Variants in TASP1 observed in about 807,000 individuals in gnomAD.
The protein encoded by TASP1 is taspase 1.
A neutral mutation model predicts 56.6 loss-of-function variants in TASP1; 16 were observed. The ratio of observed to expected loss-of-function variants is 0.28; its 90% CI spans 0.19 to 0.43. The LOEUF is 0.43. Ranked by LOEUF, TASP1 falls within the 20% of genes least tolerant of loss-of-function variation. The pLI is 1.00. For missense variants in TASP1, 393 were observed against 511.6 expected, an observed-to-expected ratio of 0.77 and a Z score of 2.24; for synonymous variants, 179 against 184.2, an observed-to-expected ratio of 0.97 and a Z score of 0.23.
the TASP1 span, among the ~76,000 whole-genome samples, chr20:13,213,945 A>C: frequency 2.0e-5 from 3 of 152,180 alleles, no homozygotes; most frequent in Non-Finnish European, 4.4e-5. Context: ...GGCACAAAAG[A>C]CCAAAAGAAA....
chr20:13,614,819 A>T, intron 4 of TASP1: 1 of 470,320 alleles, frequency 2.1e-6, no homozygotes, highest in Non-Finnish European at 4.4e-6. Context: ...ATTCTTTATG[A>T]TGTCCAGGAA....
At chr20:13,578,331 G>T (rs184406882) in intron 6 of TASP1, among the ~76,000 whole-genome samples, 63 of 151,436 alleles carry the variant, frequency 4.2e-4, no homozygotes, top group African/African-American at 1.5e-3. Flanking sequence ...TTTAAAATTT[G>T]GGTTGTCTTT....
chr20:13,615,438 G>C (rs1028430872), intron 4 of TASP1, among the ~76,000 whole-genome samples: 3 of 151,690 alleles, frequency 2.0e-5, no homozygotes, highest in African/African-American at 7.3e-5. Context: ...CTAACACTTA[G>C]GTAATGAACA....
At chr20:13,588,361 G>A (rs1459678363) in intron 4 of TASP1, among the ~76,000 whole-genome samples, 2 of 151,370 alleles carry the variant, frequency 1.3e-5, no homozygotes, top group African/African-American at 2.4e-5. Flanking sequence ...AGGTAGGTAG[G>A]TCTAGATTGG....
chr20:13,417,391 A>C, intron 13 of TASP1, 57 bp downstream of exon 13: 12 of 1,586,332 alleles, frequency 7.6e-6, no homozygotes, highest in Non-Finnish European at 9.5e-6. Flanking sequence ...TTAGCTGGTT[A>C]GAGGTTTATG....
chr20:13,134,098 G>A, the TASP1 span, among the ~76,000 whole-genome samples: 1 of 152,200 alleles, frequency 6.6e-6, no homozygotes, highest in Non-Finnish European at 1.5e-5. Flanking sequence ...TCACGGTCAG[G>A]TGTACGTACC....
chr20:13,155,319 A>G, the TASP1 span, among the ~76,000 whole-genome samples: 1 of 152,154 alleles, frequency 6.6e-6, no homozygotes, highest in Admixed American at 6.5e-5. Flanking sequence ...CTCCCCTCCA[A>G]TGTAACCCAT....
At chr20:13,153,860 G>A in the TASP1 span, 1 of 1,096,418 alleles carries the variant, frequency 9.1e-7, no homozygotes, top group Admixed American at 2.2e-5. Flanking sequence ...TGCTCCCCAG[G>A]AGATATCTCC....
intron 12 of TASP1, among the ~76,000 whole-genome samples, chr20:13,427,366 G>T (rs1419567873): frequency 6.6e-6 from 1 of 152,172 alleles, no homozygotes; most frequent in African/African-American, 2.4e-5. Context: ...TGAAAAGAGG[G>T]AGGAAAATAC....
rs59880909 is a variant in TASP1, at chr20:13,631,935, C to T, written c.-74-1783G>A. ...AGGCATGGTGGTGGGTGCCTGTAAT[C>T]CCAGCTACTTGGGAGGCTGAGGCAG... On this transcript the variant is annotated intron_variant, in intron 1 of 13. Coordinates refer to ENST00000337743, the MANE Select transcript of TASP1 (RefSeq NM_017714.3). Among the ~76,000 whole-genome samples, 3 of 151,460 alleles carry T rather than the reference C, an allele frequency of 2.0e-5. No homozygotes were observed. The South Asian group carries it at 6.3e-4, about 32-fold the overall frequency.
At chr20:13,580,857 C>T (rs577923955) in intron 6 of TASP1, 40 bp downstream of exon 6, 12 of 1,600,284 alleles carry the variant, frequency 7.5e-6, no homozygotes, top group Non-Finnish European at 1.0e-5. Flanking sequence ...GATAAAAATG[C>T]ACTAAAGACA....
the TASP1 span, among the ~76,000 whole-genome samples, chr20:13,194,543 A>ATGTGTGTGTG: frequency 6.3e-5 from 9 of 142,294 alleles, no homozygotes; most frequent in African/African-American, 2.1e-4. Context: ...TCACCAAGAA[A>ATGTGTGTGTG]TGTGTGTGTG....
chr20:13,110,132 C>T, the TASP1 span: 18 of 1,612,844 alleles, frequency 1.1e-5, no homozygotes, highest in African/African-American at 2.0e-4. Flanking sequence ...CCTAGAGAAG[C>T]TCCTGAGAGA....
At chr20:13,420,061 T>C (rs2042383577) in intron 12 of TASP1, among the ~76,000 whole-genome samples, 1 of 152,190 alleles carries the variant, frequency 6.6e-6, no homozygotes, top group Non-Finnish European at 1.5e-5. Context: ...AAAGCATTTC[T>C]AAAATTGCAC....
intron 10 of TASP1, among the ~76,000 whole-genome samples, chr20:13,518,510 C>T (rs757007031): frequency 6.6e-6 from 1 of 152,062 alleles, no homozygotes; most frequent in Non-Finnish European, 1.5e-5. Context: ...CCCCAAACAC[C>T]TCAGACTCAA....
rs1350266616 is a variant in TASP1, at chr20:13,534,396, G to A, written c.676-255C>T. Among the ~76,000 whole-genome samples, 4 of 150,826 alleles carry A rather than the reference G, an allele frequency of 2.7e-5. No individual in the cohort carries two copies. The East Asian group carries it at 5.9e-4, about 22-fold the overall frequency. ...TTTTCTCTAATAATAAGGCTATAGT[G>A]TCTTTTTAATGGAGGAAATGTCACA... On this transcript the variant is annotated intron_variant, in intron 8 of 13. Coordinates refer to ENST00000337743, the MANE Select transcript of TASP1 (RefSeq NM_017714.3).
At chr20:13,398,724 T>C (rs879053136) in intron 13 of TASP1, among the ~76,000 whole-genome samples, 1 of 152,218 alleles carries the variant, frequency 6.6e-6, no homozygotes, top group Non-Finnish European at 1.5e-5. Context: ...CTACTTTTCT[T>C]CCACTCATTT....
intron 7 of TASP1, among the ~76,000 whole-genome samples, chr20:13,563,086 T>G (rs1029130864): frequency 3.3e-5 from 5 of 150,080 alleles, no homozygotes; most frequent in African/African-American, 1.2e-4. Flanking sequence ...TATATAGAGA[T>G]ATAATTTTTT....
the TASP1 span, among the ~76,000 whole-genome samples, chr20:13,257,533 G>A: frequency 6.6e-6 from 1 of 152,086 alleles, no homozygotes; most frequent in Non-Finnish European, 1.5e-5. Flanking sequence ...TTTACATAGT[G>A]TACTATGTGC....
Sources: allele counts gnomAD v4.1 joint callset (sites outside exome capture counted in the v4.1 genomes callset), GRCh38; gene constraint gnomAD v4.1.1; transcripts MANE v1.5; gene names NCBI Gene and HGNC (gene_info 2026-07-23, HGNC 2026-07-21).